Variants in ZNF546 observed in about 807,000 individuals in gnomAD.
ZNF546 encodes the protein CTC-471F3.6.
ZNF546 carries 60 observed loss-of-function variants against 76.2 expected under a neutral mutation model. The observed-to-expected ratio is 0.79, with a 90% CI of 0.64 to 0.98. The LOEUF (loss-of-function observed/expected upper bound fraction) is 0.98. Among genes scored for constraint, ZNF546 ranks in the 50% least tolerant of loss-of-function variants. The pLI is 0.00. For synonymous variants in ZNF546, 277 were observed against 328.1 expected, an observed-to-expected ratio of 0.84 and a Z score of 1.68; for missense variants, 936 against 1,035.6, an observed-to-expected ratio of 0.90 and a Z score of 1.32.
At chr19:40,001,515 C>T (rs566296214) in intron 3 of ZNF546, among the ~76,000 whole-genome samples, 1 of 152,192 alleles carries the variant, frequency 6.6e-6, no homozygotes, top group South Asian at 2.1e-4. Context: ...GTACCCACTA[C>T]CACACCTGGC....
At chr19:40,000,887 T>G (rs1432031054) in intron 3 of ZNF546, among the ~76,000 whole-genome samples, 1 of 152,086 alleles carries the variant, frequency 6.6e-6, no homozygotes, top group Non-Finnish European at 1.5e-5. Context: ...TTCCCATTAT[T>G]ATTACATTAT....
chr19:40,001,075 A>G (rs1220308116), intron 3 of ZNF546, among the ~76,000 whole-genome samples: 4 of 152,058 alleles, frequency 2.6e-5, no homozygotes, highest in African/African-American at 9.7e-5. Context: ...GTCAGTTCAT[A>G]ATAGGGTTCG....
At chr19:40,010,010 A>C (rs973829514) in intron 6 of ZNF546, among the ~76,000 whole-genome samples, 1 of 151,840 alleles carries the variant, frequency 6.6e-6, no homozygotes, top group Non-Finnish European at 1.5e-5. Flanking sequence ...GTATAGACTT[A>C]TGCTTTCATT....
chr19:40,007,355 T>C lies in ZNF546; in HGVS notation c.253T>C (p.Tyr85His), dbSNP rs1471245488. Residue 85 changes from tyrosine to histidine, a missense_variant, in exon 5 of 7, where the codon TAC (tyrosine) becomes CAC (histidine). By Grantham distance (83) the Tyr-to-His change is moderately conservative (BLOSUM62 2). Coordinates refer to ENST00000347077, the MANE Select transcript of ZNF546 (RefSeq NM_178544.5). ...ECLDAVQRDLYKDVMLENYSN... is the reference protein window; with the variant it reads ...ECLDAVQRDLHKDVMLENYSN... ...CCTGGACGCTGTGCAGAGGGACTTG[T>C]ACAAGGATGTGATGTTGGAGAACTA... 1.2e-6 allele frequency: 2 copies of C among 1,605,946 alleles called. No individual in the cohort carries two copies. The highest frequency in any genetic ancestry group is 1.3e-5 in the African/African-American group (1 of 74,744).
rs1971742976 is a variant in ZNF546 at position 40,015,210 on chromosome 19, T to C, written c.1940T>C (p.Ile647Thr). The C allele has an allele frequency of 6.2e-7, 1 of 1,612,728 alleles. No individual in the cohort carries two copies. Among genetic ancestry groups the C allele is most frequent in the Admixed American group, 1.7e-5 (1 of 59,896 alleles). The change falls in exon 7 of 7, where the codon ATT (isoleucine) becomes ACT (threonine). Residue 647 changes from isoleucine to threonine, a missense_variant. By Grantham distance (89) the Ile-to-Thr change is moderately conservative (BLOSUM62 -1). Coordinates refer to ENST00000347077, the MANE Select transcript of ZNF546 (RefSeq NM_178544.5). ...TGTACAGAATGTGGGAAGGCCTTTA[T>C]TCGTAGCACTCATCTCACGCAACAT... ...YKCTECGKAF[I>T]RSTHLTQHHR...
chr19:40,016,896 T>C lies in ZNF546; in HGVS notation c.*1115T>C, dbSNP rs1416126535. 2.0e-5 allele frequency: 3 copies of C among 152,216 alleles called. No homozygotes were observed. Among genetic ancestry groups the C allele is most frequent in the Non-Finnish European group, 4.4e-5 (3 of 68,030 alleles). 9.4% of individuals were successfully genotyped at this position (152,216 alleles called of 1,614,324 possible). A position where few individuals can be genotyped will look rare whatever the true frequency, so the allele number is the denominator to read the frequency against. Reference sequence around the variant, plus strand: ...TGCCCCTGTGCCTTGGTTTTTAAAATGGTAATAACAGTACCACCTAATAGT... The same window carrying C: ...TGCCCCTGTGCCTTGGTTTTTAAAACGGTAATAACAGTACCACCTAATAGT... On this transcript the variant is annotated 3_prime_UTR_variant, in exon 7 of 7. Transcript: ENST00000347077.
chr19:40,015,609 A>T lies in ZNF546; in HGVS notation c.2339A>T (p.Lys780Ile). Residue 780 changes from lysine (K) to isoleucine (I), a missense_variant, in exon 7 of 7, where the codon AAA becomes ATA. Coordinates refer to ENST00000347077, the MANE Select transcript of ZNF546 (RefSeq NM_178544.5). ...VHTGEKPYKC[K>I]ECGKAFSVNS... ...ACGGGTGAGAAACCCTATAAATGTAAAGAATGTGGGAAAGCCTTCAGTGTT... is the reference window on the plus strand; with the variant it reads ...ACGGGTGAGAAACCCTATAAATGTATAGAATGTGGGAAAGCCTTCAGTGTT... The T allele has an allele frequency of 6.2e-7, 1 of 1,614,042 alleles. No homozygotes were observed. The highest frequency in any genetic ancestry group is 8.5e-7 in the Non-Finnish European group (1 of 1,180,016).
intron 6 of ZNF546, 65 bp downstream of exon 6, chr19:40,008,630 A>G: frequency 3.7e-6 from 5 of 1,336,850 alleles, no homozygotes; most frequent in Non-Finnish European, 3.2e-6. Flanking sequence ...GTCAGGGAGG[A>G]GGCACAGCAC....
chr19:40,014,191 G>A lies in ZNF546; in HGVS notation c.921G>A (p.Gly307=), dbSNP rs754140636. The A allele has an allele frequency of 5.0e-6, 8 of 1,611,200 alleles. No homozygotes were observed. The South Asian group carries it at 6.6e-5, about 13-fold the overall frequency. ...AACCCTACGAGTGTAAGGAATGTGG[G>A]AAAGCCTTTAGTCGTGTTAGAGACC... is the stretch of plus-strand genomic sequence containing the variant. ...GVKPYECKEC[G]KAFSRVRDLR... is the part of the protein sequence containing the mutation. The change falls in exon 7 of 7, where the codon GGG becomes GGA. Residue 307 remains glycine (G), a synonymous_variant. Transcript: ENST00000347077.
chr19:40,015,811 C>G lies in ZNF546; in HGVS notation c.*30C>G. ...AATACGATGGCCTTTAGAAAATGCC[C>G]TTTAGCAGAGAATTTGTAATTTAAG... On this transcript the variant is annotated 3_prime_UTR_variant, in exon 7 of 7. Coordinates refer to ENST00000347077, the MANE Select transcript of ZNF546 (RefSeq NM_178544.5). The G allele has an allele frequency of 6.3e-7, 1 of 1,593,188 alleles. No individual in the cohort carries two copies. Among genetic ancestry groups the G allele is most frequent in the Middle Eastern group, 1.7e-4 (1 of 6,020 alleles).
intron 4 of ZNF546, 62 bp downstream of exon 4, chr19:40,006,244 C>CGCTCAAGA: frequency 6.8e-7 from 1 of 1,465,356 alleles, no homozygotes; most frequent in Non-Finnish European, 9.5e-7. Flanking sequence ...TCATTGAAGT[C>CGCTCAAGA]TCGTTATCTT....
rs151314592 is a variant in ZNF546 at position 39,998,174 on chromosome 19, C to T, written c.-79-74C>T. 7.4e-4 allele frequency: 428 copies of T among 582,068 alleles called. 1 individual carries two copies. The highest frequency in any genetic ancestry group is 3.5e-4 in the Non-Finnish European group (115 of 325,912). 36.1% of individuals were successfully genotyped at this position (582,068 alleles called of 1,614,324 possible). ...TCTAAAAAGACTAAATTATTTGTCACATAAATTGCAACTCTCTGGTCTATA... is the reference window on the plus strand; with the variant it reads ...TCTAAAAAGACTAAATTATTTGTCATATAAATTGCAACTCTCTGGTCTATA... On this transcript the variant is annotated intron_variant, in intron 2 of 6. Transcript: ENST00000347077.
chr19:39,998,791 GAGA>G (rs1971489048), intron 3 of ZNF546, among the ~76,000 whole-genome samples: 1 of 151,156 alleles, frequency 6.6e-6, no homozygotes, highest in South Asian at 2.1e-4. Flanking sequence ...TTCTTTTTTT[GAGA>G]AGGAGTCTCG....
chr19:40,005,009 C>CTTTTTTTTTTTTTTTTTTT (rs752081163), intron 3 of ZNF546, among the ~76,000 whole-genome samples: 2 of 86,856 alleles, frequency 2.3e-5, no homozygotes, highest in Non-Finnish European at 4.3e-5. Context: ...CTGCATGCAT[C>CTTTTTTTTTTTTTTTTTTT]TTTTTTTTTT....
At chr19:40,005,166 G>A (rs1397244040) in intron 3 of ZNF546, among the ~76,000 whole-genome samples, 1 of 151,796 alleles carries the variant, frequency 6.6e-6, no homozygotes, top group Non-Finnish European at 1.5e-5. Flanking sequence ...TTACAGGCAT[G>A]TGCCACCATG....
chr19:39,997,692 TG>T (rs780433679), intron 1 of ZNF546, among the ~76,000 whole-genome samples, 168 bp from the exon 2 acceptor site: 3 of 152,160 alleles, frequency 2.0e-5, no homozygotes, highest in African/African-American at 4.8e-5. Context: ...AGAAACCTGG[TG>T]TGAGTTCAGA....
intron 3 of ZNF546, among the ~76,000 whole-genome samples, chr19:40,003,499 T>C (rs1444677417): frequency 6.6e-6 from 1 of 152,318 alleles, no homozygotes; most frequent in East Asian, 1.9e-4. Flanking sequence ...GACAAGATTA[T>C]TCAGCAGCAG....
chr19:40,015,514 T>A lies in ZNF546; in HGVS notation c.2244T>A (p.Pro748=). The A allele has an allele frequency of 6.2e-7, 1 of 1,613,746 alleles. No individual in the cohort carries two copies. Among genetic ancestry groups the A allele is most frequent in the Non-Finnish European group, 8.5e-7 (1 of 1,179,912 alleles). Residue 748 remains proline, a synonymous_variant, in exon 7 of 7, where the codon CCT becomes CCA. Transcript: ENST00000347077. The part of the protein sequence containing the change: ...QHFRLHTGEK[P]YSCKECGNAF... Reference sequence around the variant, plus strand: ...TTAGACTTCATACTGGTGAGAAACCTTATAGCTGTAAAGAATGTGGGAATG... The same window carrying A: ...TTAGACTTCATACTGGTGAGAAACCATATAGCTGTAAAGAATGTGGGAATG...
chr19:40,014,762 G>C lies in ZNF546; in HGVS notation c.1492G>C (p.Glu498Gln), dbSNP rs1321891937. 2.5e-6 allele frequency: 4 copies of C among 1,613,174 alleles called. No individual in the cohort carries two copies. Among genetic ancestry groups the C allele is most frequent in the South Asian group, 1.1e-5 (1 of 91,042 alleles). The change falls in exon 7 of 7, where the codon GAA (glutamate) becomes CAA (glutamine). Residue 498 changes from glutamate to glutamine, a missense_variant. Coordinates refer to ENST00000347077, the MANE Select transcript of ZNF546 (RefSeq NM_178544.5). ...AACTCACACCGGTGAGATTCCCTAT[G>C]AATGTAAGGAATGTGGAAAAACCTT... ...LRTHTGEIPYECKECGKTFSS... is the reference protein window; with the variant it reads ...LRTHTGEIPYQCKECGKTFSS...
Sources: gnomAD v4.1 joint callset for allele counts (sites outside exome capture counted in the v4.1 genomes callset) on GRCh38, gnomAD v4.1.1 for gene constraint, MANE v1.5 for transcripts, NCBI Gene and HGNC (gene_info 2026-07-23, HGNC 2026-07-21) for gene names.